The following FCHSD2 variants were observed in gnomAD, a reference collection of about 807,000 sequenced individuals.
The protein encoded by FCHSD2 is F-BAR and double SH3 domains protein 2.
In FCHSD2, 38 loss-of-function variants were observed where a neutral mutation model predicts 108.1. The ratio of observed to expected loss-of-function variants is 0.35; its 90% CI spans 0.27 to 0.46. FCHSD2 has a LOEUF of 0.46. Among genes scored for constraint, FCHSD2 ranks in the 20% least tolerant of loss-of-function variants. The pLI is 1.00. For synonymous variants in FCHSD2, 279 were observed against 314.7 expected, an observed-to-expected ratio of 0.89 and a Z score of 1.20; for missense variants, 751 against 897.8, an observed-to-expected ratio of 0.84 and a Z score of 2.09.
intron 2 of FCHSD2, among the ~76,000 whole-genome samples, chr11:73,093,614 T>C (rs912113857): frequency 6.6e-6 from 1 of 152,034 alleles, no homozygotes; most frequent in Non-Finnish European, 1.5e-5. Flanking sequence ...ATTTCTTTTT[T>C]TTTTGAGACC....
intron 8 of FCHSD2, among the ~76,000 whole-genome samples, chr11:72,980,223 GA>G (rs1254772031): frequency 6.6e-6 from 1 of 152,160 alleles, no homozygotes; most frequent in Non-Finnish European, 1.5e-5. Flanking sequence ...GGGAAAAGTT[GA>G]AATAACTGTT....
At chr11:72,914,765 C>T (rs373666755) in intron 9 of FCHSD2, among the ~76,000 whole-genome samples, 21 of 152,016 alleles carry the variant, frequency 1.4e-4, no homozygotes, top group African/African-American at 1.9e-4. Context: ...ATGTAAAACC[C>T]GAAACTATAA....
chr11:73,105,765 G>A (rs1283311016), intron 2 of FCHSD2, among the ~76,000 whole-genome samples: 1 of 152,082 alleles, frequency 6.6e-6, no homozygotes, highest in Non-Finnish European at 1.5e-5. Flanking sequence ...TTATTTTTAA[G>A]TTTTACATAA....
intron 12 of FCHSD2, among the ~76,000 whole-genome samples, chr11:72,869,017 C>T (rs1482659271): frequency 6.6e-6 from 1 of 151,982 alleles, no homozygotes; most frequent in Non-Finnish European, 1.5e-5. Flanking sequence ...AGCAATTCTC[C>T]TGCCTCAGCC....
Position 72,843,344 on chromosome 11 carries a change from G to A in FCHSD2, c.1528-16C>T, listed in dbSNP as rs753071328. The A allele has an allele frequency of 1.2e-6, 2 of 1,606,142 alleles. No homozygotes were observed. Among genetic ancestry groups the A allele is most frequent in the African/African-American group, 2.7e-5 (2 of 74,554 alleles). ...TATTTCGAGCCTGGGTAAAAGACAT[G>A]TGACAAAACAAGTTTACACACACAA... is the stretch of plus-strand genomic sequence containing the variant. On this transcript the variant is annotated splice_polypyrimidine_tract_variant and intron_variant, in intron 15 of 19. Transcript: ENST00000409418.
chr11:72,957,994 T>C (rs760804476), intron 8 of FCHSD2, among the ~76,000 whole-genome samples: 10 of 152,220 alleles, frequency 6.6e-5, no homozygotes, highest in Non-Finnish European at 1.3e-4. Flanking sequence ...TATTGAATGA[T>C]AAATGTATAC....
chr11:73,122,391 C>T (rs999505561), intron 2 of FCHSD2, among the ~76,000 whole-genome samples: 11 of 152,164 alleles, frequency 7.2e-5, no homozygotes, highest in African/African-American at 2.4e-4. Flanking sequence ...CAGAGAAAAC[C>T]ACCCCACCAG....
At chr11:73,016,624 G>A (rs1221932353) in intron 3 of FCHSD2, among the ~76,000 whole-genome samples, 4 of 152,098 alleles carry the variant, frequency 2.6e-5, no homozygotes, top group African/African-American at 4.8e-5. Flanking sequence ...CCAGGAAAGA[G>A]AAAAACAAAT....
intron 8 of FCHSD2, among the ~76,000 whole-genome samples, chr11:72,939,864 C>T (rs1244492757): frequency 6.6e-6 from 1 of 151,824 alleles, no homozygotes; most frequent in Non-Finnish European, 1.5e-5. Context: ...AGTGATCTGC[C>T]CACCTTGGCC....
chr11:72,969,936 C>G (rs941372859), intron 8 of FCHSD2, among the ~76,000 whole-genome samples: 4 of 152,290 alleles, frequency 2.6e-5, no homozygotes, highest in Admixed American at 2.0e-4. Context: ...CAGAAAAAGA[C>G]TTGTCTGTGG....
At chr11:72,889,571 G>C (rs941063128) in intron 11 of FCHSD2, among the ~76,000 whole-genome samples, 2 of 152,134 alleles carry the variant, frequency 1.3e-5, no homozygotes, top group African/African-American at 4.8e-5. Context: ...AATTTAGCCA[G>C]GCATAGTGGC....
chr11:73,024,746 C>A (rs774693630), intron 3 of FCHSD2, among the ~76,000 whole-genome samples: 6 of 151,994 alleles, frequency 3.9e-5, no homozygotes, highest in Admixed American at 6.6e-5. Flanking sequence ...ACGCATCCCA[C>A]AAAGGTCTAA....
intron 8 of FCHSD2, among the ~76,000 whole-genome samples, chr11:72,937,157 CA>C (rs1317884715): frequency 6.6e-6 from 1 of 152,068 alleles, no homozygotes; most frequent in Non-Finnish European, 1.5e-5. Flanking sequence ...GCTAGAGGAC[CA>C]AAGGCTTGAT....
At chr11:72,946,213 G>T (rs1856516135) in intron 8 of FCHSD2, among the ~76,000 whole-genome samples, 1 of 152,060 alleles carries the variant, frequency 6.6e-6, no homozygotes. Context: ...ATACTATGCA[G>T]CCATAAAAAA....
At chr11:72,894,917 T>C (rs1855387732) in intron 10 of FCHSD2, among the ~76,000 whole-genome samples, 1 of 152,182 alleles carries the variant, frequency 6.6e-6, no homozygotes, top group Admixed American at 6.5e-5. Context: ...TTTTATGCAA[T>C]GTATGGTATA....
intron 12 of FCHSD2, among the ~76,000 whole-genome samples, chr11:72,885,774 C>T (rs971810190): frequency 6.6e-6 from 1 of 152,164 alleles, no homozygotes; most frequent in Non-Finnish European, 1.5e-5. Context: ...TAGATGAGGG[C>T]TTGCCAACAC....
At chr11:72,854,258 T>C (rs1861364600) in intron 13 of FCHSD2, among the ~76,000 whole-genome samples, 1 of 152,232 alleles carries the variant, frequency 6.6e-6, no homozygotes, top group African/African-American at 2.4e-5. Flanking sequence ...AAGCACAGAC[T>C]TGAACAGATA....
At chr11:72,920,240 G>A (rs568652478) in intron 9 of FCHSD2, among the ~76,000 whole-genome samples, 2 of 152,134 alleles carry the variant, frequency 1.3e-5, no homozygotes, top group Non-Finnish European at 2.9e-5. Context: ...GTCAAAATAA[G>A]ACAGAGGGCA....
chr11:72,925,327 A>C (rs376310150), intron 8 of FCHSD2, among the ~76,000 whole-genome samples: 1 of 152,216 alleles, frequency 6.6e-6, no homozygotes. Context: ...GTATATTACA[A>C]ATCAGGAATT....
Sources: allele counts gnomAD v4.1 joint callset (sites outside exome capture counted in the v4.1 genomes callset), GRCh38; gene constraint gnomAD v4.1.1; transcripts MANE v1.5; gene names NCBI Gene and HGNC (gene_info 2026-07-23, HGNC 2026-07-21).